Variants in ATP6V1H observed in about 807,000 individuals in gnomAD.
The protein encoded by ATP6V1H is ATPase H+ transporting V1 subunit H.
Under a neutral mutation model 71.7 loss-of-function variants are expected in ATP6V1H, and 39 were observed. That is an observed-to-expected ratio of 0.54 (90% CI 0.42 to 0.71). The LOEUF (loss-of-function observed/expected upper bound fraction) is 0.71, where lower values mean the gene tolerates loss of function less well. Ranked by LOEUF, ATP6V1H falls within the 30% of genes least tolerant of loss-of-function variation. The pLI, the probability that ATP6V1H is intolerant of heterozygous loss-of-function variation, is 0.00. For missense variants in ATP6V1H, 509 were observed against 594.9 expected, an observed-to-expected ratio of 0.86 and a Z score of 1.50; for synonymous variants, 192 against 199.3, an observed-to-expected ratio of 0.96 and a Z score of 0.31.
intron 4 of ATP6V1H, 134 bp downstream of exon 4, chr8:53,829,310 T>C: frequency 1.7e-6 from 1 of 600,618 alleles, no homozygotes. Flanking sequence ...ACAACCCACA[T>C]AAATGAGAAA....
intron 6 of ATP6V1H, 59 bp from the exon 7 acceptor site, chr8:53,811,276 A>C (rs1340419300): frequency 2.7e-6 from 4 of 1,472,622 alleles, no homozygotes; most frequent in Non-Finnish European, 9.5e-7. Context: ...CTAATGTATC[A>C]GCTTACAAAA....
intron 12 of ATP6V1H, among the ~76,000 whole-genome samples, chr8:53,746,886 T>C (rs972941825): frequency 6.6e-6 from 1 of 152,200 alleles, no homozygotes; most frequent in South Asian, 2.1e-4. Context: ...TTATGAGCTA[T>C]TGTCTAATAG....
chr8:53,824,080 A>G (rs903931736), intron 4 of ATP6V1H, among the ~76,000 whole-genome samples: 5 of 152,108 alleles, frequency 3.3e-5, no homozygotes, highest in South Asian at 4.1e-4. Context: ...AATTTGAAGC[A>G]TAAGATTTAA....
chr8:53,804,453 T>C (rs1030739264), intron 7 of ATP6V1H, among the ~76,000 whole-genome samples: 14 of 152,106 alleles, frequency 9.2e-5, no homozygotes, highest in African/African-American at 3.4e-4. Flanking sequence ...GGAGGGTAGA[T>C]CACTTGAGGT....
At chr8:53,838,427 G>T (rs1425559128) in intron 2 of ATP6V1H, among the ~76,000 whole-genome samples, 1 of 152,132 alleles carries the variant, frequency 6.6e-6, no homozygotes, top group Non-Finnish European at 1.5e-5. Context: ...CCACCTGTGA[G>T]TGTCTTTATG....
At chr8:53,744,889 T>C (rs1468790572) in intron 12 of ATP6V1H, among the ~76,000 whole-genome samples, 1 of 151,936 alleles carries the variant, frequency 6.6e-6, no homozygotes, top group Admixed American at 6.6e-5. Context: ...CCCTGACAAA[T>C]AGGGAAGACA....
At position 53,715,910 on chromosome 8, in the gene ATP6V1H, A is replaced by C; in HGVS notation, c.*54T>G. 2 of 1,501,930 alleles carry C rather than the reference A, an allele frequency of 1.3e-6. No individual in the cohort carries two copies. Among genetic ancestry groups the C allele is most frequent in the Non-Finnish European group, 1.8e-6 (2 of 1,091,516 alleles). The allele number at this position is 1,501,930 out of a possible 1,614,324, so 93.0% of individuals were successfully genotyped here. A position where few individuals can be genotyped will look rare whatever the true frequency, so the allele number is the denominator to read the frequency against. On this transcript the variant is annotated 3_prime_UTR_variant, in exon 14 of 14. Coordinates refer to ENST00000359530, the MANE Select transcript of ATP6V1H (RefSeq NM_015941.4). Reference sequence around the variant, plus strand: ...AGTGTTCACTCTTAACTCTAAACACAGTGCTCCCACTACTGGTTCTGCATT... The same window carrying C: ...AGTGTTCACTCTTAACTCTAAACACCGTGCTCCCACTACTGGTTCTGCATT...
chr8:53,840,758 A>C (rs1811319793), intron 2 of ATP6V1H, among the ~76,000 whole-genome samples: 2 of 152,220 alleles, frequency 1.3e-5, no homozygotes, highest in Non-Finnish European at 2.9e-5. Flanking sequence ...ATTAACACTA[A>C]TATAAAACTA....
chr8:53,787,723 A>C (rs1157794310), intron 9 of ATP6V1H, among the ~76,000 whole-genome samples: 1 of 152,254 alleles, frequency 6.6e-6, no homozygotes, highest in Non-Finnish European at 1.5e-5. Flanking sequence ...CACAGCCCCA[A>C]AACATCCTAA....
Position 53,715,879 on chromosome 8 carries a change from TCAAA to T in ATP6V1H, c.*81_*84del, listed in dbSNP as rs1279707929. On this transcript the variant is annotated 3_prime_UTR_variant, in exon 14 of 14. Transcript: ENST00000359530. Reference sequence around the variant, plus strand: ...ATAACAGAGGAAATTCCAAGTAAAATCAAACAGTGTTCACTCTTAACTCTAAACA... The same window carrying T: ...ATAACAGAGGAAATTCCAAGTAAAATCAGTGTTCACTCTTAACTCTAAACA... 2.8e-5 allele frequency: 33 copies of T among 1,171,372 alleles called. No homozygotes were observed. The Middle Eastern group carries it at 1.3e-3, about 45-fold the overall frequency. The allele number at this position is 1,171,372 out of a possible 1,614,324, so 72.6% of individuals were successfully genotyped here. A position where few individuals can be genotyped will look rare whatever the true frequency, so the allele number is the denominator to read the frequency against.
At chr8:53,821,866 T>A (rs1487342730) in intron 4 of ATP6V1H, among the ~76,000 whole-genome samples, 1 of 152,114 alleles carries the variant, frequency 6.6e-6, no homozygotes, top group African/African-American at 2.4e-5. Flanking sequence ...AGAAAACAAC[T>A]GCAAAACAAA....
chr8:53,828,098 C>T (rs562424206), intron 4 of ATP6V1H, among the ~76,000 whole-genome samples: 10 of 152,110 alleles, frequency 6.6e-5, no homozygotes, highest in Non-Finnish European at 1.5e-4. Context: ...TACAGTAGGA[C>T]GATTTCTATT....
chr8:53,811,114 CAAAAT>C, intron 7 of ATP6V1H, 45 bp downstream of exon 7: 8 of 1,551,388 alleles, frequency 5.2e-6, no homozygotes, highest in Non-Finnish European at 7.1e-6. Flanking sequence ...GTATATGACT[CAAAAT>C]AATTTATTTT....
chr8:53,799,919 G>A lies in ATP6V1H; in HGVS notation c.677+1880C>T, dbSNP rs537735567. On this transcript the variant is annotated intron_variant, in intron 8 of 13. Transcript: ENST00000359530. The stretch of plus-strand genomic sequence containing the variant: ...TTCATCTTGGACTTCCTGGCCTCCA[G>A]AAATGTGAGAAGTAAGTTTCCATTG... 9.1e-4 allele frequency among the ~76,000 whole-genome samples: 138 copies of A among 152,272 alleles called. 1 individual carries two copies. The highest frequency in any genetic ancestry group is 3.2e-3 in the African/African-American group (131 of 41,556).
Position 53,787,506 on chromosome 8 carries a change from A to G in ATP6V1H, c.870+8141T>C, listed in dbSNP as rs551240059. Among the ~76,000 whole-genome samples the G allele has an allele frequency of 9.2e-5, 14 of 151,758 alleles. No individual in the cohort carries two copies. In the South Asian group the frequency reaches 2.7e-3, roughly 29 times the overall value. ...TAGATGTGAATTAAACATCATGATT[A>G]ATCTATCTAATGAAAAGAACAACTC... On this transcript the variant is annotated intron_variant, in intron 9 of 13. Coordinates refer to ENST00000359530, the MANE Select transcript of ATP6V1H (RefSeq NM_015941.4).
intron 7 of ATP6V1H, among the ~76,000 whole-genome samples, chr8:53,804,687 T>G (rs781048723): frequency 1.4e-4 from 21 of 151,940 alleles, no homozygotes; most frequent in Non-Finnish European, 2.6e-4. Context: ...AAAAAGAAAA[T>G]AGCGAGTTAA....
chr8:53,815,167 T>C (rs1386685219), intron 5 of ATP6V1H, among the ~76,000 whole-genome samples: 1 of 152,194 alleles, frequency 6.6e-6, no homozygotes, highest in Non-Finnish European at 1.5e-5. Context: ...CCCACACTCA[T>C]TCCAAGCCAC....
chr8:53,830,011 T>C (rs1488852363), intron 3 of ATP6V1H, among the ~76,000 whole-genome samples: 2 of 152,094 alleles, frequency 1.3e-5, no homozygotes, highest in Non-Finnish European at 2.9e-5. Flanking sequence ...CAGCCAACAA[T>C]ATATTACCTA....
chr8:53,806,909 A>G (rs994062694), intron 7 of ATP6V1H: 6 of 450,090 alleles, frequency 1.3e-5, no homozygotes, highest in African/African-American at 1.2e-4. Flanking sequence ...TACTATTTCT[A>G]CCAAATGTAT....
Sources: gnomAD v4.1 joint callset for allele counts (sites outside exome capture counted in the v4.1 genomes callset) on GRCh38, gnomAD v4.1.1 for gene constraint, MANE v1.5 for transcripts, NCBI Gene and HGNC (gene_info 2026-07-23, HGNC 2026-07-21) for gene names.